ANTXR1: variants seen among roughly 807,000 people sequenced by gnomAD.
ANTXR1 encodes the protein ANTXR cell adhesion molecule 1.
ANTXR1 carries 19 observed loss-of-function variants against 78.1 expected under a neutral mutation model. That is an observed-to-expected ratio of 0.24 (90% confidence interval 0.17 to 0.36). The LOEUF (loss-of-function observed/expected upper bound fraction) is 0.36. ANTXR1 is among the 10% of genes least tolerant of loss of function. The pLI, the probability that ANTXR1 is intolerant of heterozygous loss-of-function variation, is 1.00. For synonymous variants in ANTXR1, 273 were observed against 260.5 expected, an observed-to-expected ratio of 1.05 and a Z score of -0.46; for missense variants, 518 against 718.6, an observed-to-expected ratio of 0.72 and a Z score of 3.19.
At chr2:69,231,272 T>A in intron 17 of ANTXR1, among the ~76,000 whole-genome samples, 1 of 152,200 alleles carries the variant, frequency 6.6e-6, no homozygotes, top group East Asian at 1.9e-4. Flanking sequence ...GTGTGATGGT[T>A]ACCTTTGGGG....
intron 16 of ANTXR1, among the ~76,000 whole-genome samples, chr2:69,184,056 C>A (rs1413045612): frequency 2.1e-5 from 2 of 95,232 alleles, no homozygotes; most frequent in Non-Finnish European, 3.6e-5. Flanking sequence ...CATACACATA[C>A]ACACACTCAC....
intron 13 of ANTXR1, among the ~76,000 whole-genome samples, chr2:69,154,458 A>G (rs1223054465): frequency 6.6e-6 from 1 of 152,318 alleles, no homozygotes; most frequent in East Asian, 1.9e-4. Context: ...GATTAAGGTC[A>G]TATGTTTCCT....
intron 13 of ANTXR1, among the ~76,000 whole-genome samples, chr2:69,163,520 T>C (rs1298740820): frequency 6.6e-6 from 1 of 152,202 alleles, no homozygotes; most frequent in Non-Finnish European, 1.5e-5. Context: ...GGTTTCTTTA[T>C]GCCCATTGCT....
At chr2:69,118,135 G>A (rs1374152813) in intron 10 of ANTXR1, among the ~76,000 whole-genome samples, 1 of 151,962 alleles carries the variant, frequency 6.6e-6, no homozygotes, top group Non-Finnish European at 1.5e-5. Flanking sequence ...ATTTGGCTAG[G>A]CCCAGTGGCT....
chr2:69,029,743 G>GA (rs745952150), intron 1 of ANTXR1, among the ~76,000 whole-genome samples: 1 of 151,730 alleles, frequency 6.6e-6, no homozygotes, highest in Non-Finnish European at 1.5e-5. Flanking sequence ...ATTACTTACT[G>GA]AAAAAATTAC....
chr2:69,240,464 GC>G (rs1274005574), intron 17 of ANTXR1, among the ~76,000 whole-genome samples: 10 of 152,296 alleles, frequency 6.6e-5, no homozygotes, highest in African/African-American at 2.2e-4. Context: ...CCATAAGCAC[GC>G]ACCAGATCCC....
chr2:69,044,147 TTAA>T (rs1669688015), intron 2 of ANTXR1, among the ~76,000 whole-genome samples: 1 of 152,160 alleles, frequency 6.6e-6, no homozygotes. Context: ...AATTTATTCA[TTAA>T]TAATGAGAAG....
At chr2:69,038,534 A>G (rs992591832) in intron 1 of ANTXR1, among the ~76,000 whole-genome samples, 1 of 152,254 alleles carries the variant, frequency 6.6e-6, no homozygotes, top group Non-Finnish European at 1.5e-5. Flanking sequence ...AGGATAATAT[A>G]ATGAACACCC....
intron 9 of ANTXR1, among the ~76,000 whole-genome samples, chr2:69,098,598 A>T (rs1671504525): frequency 6.6e-6 from 1 of 152,262 alleles, no homozygotes; most frequent in African/African-American, 2.4e-5. Flanking sequence ...GAGAGAACAG[A>T]ATGGAATAAA....
intron 13 of ANTXR1, among the ~76,000 whole-genome samples, chr2:69,168,442 A>C (rs1321390122): frequency 6.6e-6 from 1 of 152,182 alleles, no homozygotes. Context: ...ATTCACATAT[A>C]ACATCTATGC....
At chr2:69,211,499 T>A (rs1018546952) in intron 17 of ANTXR1, among the ~76,000 whole-genome samples, 14 of 152,248 alleles carry the variant, frequency 9.2e-5, no homozygotes, top group African/African-American at 3.4e-4. Flanking sequence ...TCCCACTGCC[T>A]GCCCACACAA....
intron 17 of ANTXR1, among the ~76,000 whole-genome samples, chr2:69,226,555 T>C (rs1675460188): frequency 1.3e-5 from 2 of 152,150 alleles, no homozygotes; most frequent in African/African-American, 4.8e-5. Context: ...ACAAAAGCAG[T>C]GAGAGGAGGC....
intron 12 of ANTXR1, among the ~76,000 whole-genome samples, chr2:69,131,174 GC>G (rs2104396021): frequency 6.6e-6 from 1 of 152,128 alleles, no homozygotes; most frequent in African/African-American, 2.4e-5. Flanking sequence ...TTTCTTTGGG[GC>G]CCCTCTTTCT....
chr2:69,147,176 C>A (rs111228508), intron 12 of ANTXR1, among the ~76,000 whole-genome samples: 2 of 152,332 alleles, frequency 1.3e-5, no homozygotes, highest in Non-Finnish European at 2.9e-5. Flanking sequence ...TGCCTCCCAG[C>A]CACTGGCAAA....
intron 9 of ANTXR1, among the ~76,000 whole-genome samples, chr2:69,099,653 C>T (rs1024174201): frequency 3.9e-5 from 6 of 152,290 alleles, no homozygotes; most frequent in Middle Eastern, 3.4e-3. Flanking sequence ...AGTGATATCT[C>T]CATATGGTTA....
chr2:69,235,772 AC>A (rs1372988655), intron 17 of ANTXR1, among the ~76,000 whole-genome samples: 9 of 142,192 alleles, frequency 6.3e-5, no homozygotes, highest in Non-Finnish European at 1.2e-4. Flanking sequence ...AAAATCACAA[AC>A]CAAAAAAAAA....
chr2:69,063,249 T>A (rs1385373132), intron 3 of ANTXR1, among the ~76,000 whole-genome samples: 3 of 151,934 alleles, frequency 2.0e-5, no homozygotes, highest in African/African-American at 7.3e-5. Context: ...CATAGTCAAA[T>A]TTCTGAAAAA....
intron 14 of ANTXR1, among the ~76,000 whole-genome samples, chr2:69,178,998 C>A (rs1674204638): frequency 6.6e-6 from 1 of 152,116 alleles, no homozygotes; most frequent in Non-Finnish European, 1.5e-5. Context: ...TCTGTTATCT[C>A]CTTTGGAAAA....
chr2:69,207,880 G>A (rs1325450129), intron 17 of ANTXR1, among the ~76,000 whole-genome samples: 1 of 152,214 alleles, frequency 6.6e-6, no homozygotes, highest in Non-Finnish European at 1.5e-5. Context: ...ACATAGTCAG[G>A]TGGTTTCTCT....
Sources: gnomAD v4.1 joint callset for allele counts (sites outside exome capture counted in the v4.1 genomes callset) on GRCh38, gnomAD v4.1.1 for gene constraint, MANE v1.5 for transcripts, NCBI Gene and HGNC (gene_info 2026-07-23, HGNC 2026-07-21) for gene names.